PDE1C: variants seen among roughly 807,000 people sequenced by gnomAD.
PDE1C encodes phosphodiesterase 1C, also known as dual specificity calcium/calmodulin-dependent 3',5'-cyclic nucleotide phosphodiesterase 1C.
In PDE1C, 62 loss-of-function variants were observed where a neutral mutation model predicts 93.1. That is an observed-to-expected ratio of 0.67 (90% CI 0.54 to 0.82). The LOEUF (loss-of-function observed/expected upper bound fraction) is 0.82. PDE1C is among the 40% of genes least tolerant of loss of function. The pLI is 0.00. For missense variants in PDE1C, 742 were observed against 884.6 expected (o/e 0.84, Z 2.04); for synonymous variants, 325 against 310.1 (o/e 1.05, Z -0.50).
intron 2 of PDE1C, among the ~76,000 whole-genome samples, chr7:31,964,391 C>T (rs1392015631): frequency 6.6e-6 from 1 of 152,228 alleles, no homozygotes; most frequent in South Asian, 2.1e-4. Context: ...AACTGCAAGG[C>T]AGCAGTGAGG....
chr7:31,702,910 G>A, the PDE1C span, among the ~76,000 whole-genome samples: 1 of 152,156 alleles, frequency 6.6e-6, no homozygotes, highest in African/African-American at 2.4e-5. Flanking sequence ...AGAAGACTTG[G>A]TAGAAAAACA....
chr7:31,829,286 C>T (rs1583502022), intron 11 of PDE1C, among the ~76,000 whole-genome samples: 1 of 152,102 alleles, frequency 6.6e-6, no homozygotes, highest in East Asian at 1.9e-4. Context: ...ATAGTAATCT[C>T]TACCTCATAG....
At position 32,051,685 on chromosome 7, in the gene PDE1C, G is replaced by A. The variant is rs1793401640; in HGVS notation, c.102-105C>T. 3.1e-5 allele frequency: 27 copies of A among 876,846 alleles called. No individual in the cohort carries two copies. The Admixed American group carries it at 4.9e-4, about 16-fold the overall frequency. 54.3% of individuals were successfully genotyped at this position (876,846 alleles called of 1,614,324 possible). A position where few individuals can be genotyped will look rare whatever the true frequency, so the allele number is the denominator to read the frequency against. On this transcript the variant is annotated intron_variant, in intron 1 of 17. Transcript: ENST00000396191. ...TGGGCATGGGGGTCAACACTTCTTAGGGGGGTTTCTCTGTGAAGCTTATGG... is the reference window on the plus strand; with the variant it reads ...TGGGCATGGGGGTCAACACTTCTTAAGGGGGTTTCTCTGTGAAGCTTATGG...
chr7:31,943,578 C>G (rs1010519775), intron 2 of PDE1C, among the ~76,000 whole-genome samples: 9 of 152,172 alleles, frequency 5.9e-5, no homozygotes, highest in African/African-American at 1.9e-4. Flanking sequence ...AAGGTGGAAG[C>G]AAGTTCACCA....
intron 1 of PDE1C, among the ~76,000 whole-genome samples, chr7:32,420,767 G>T (rs1162060747): frequency 6.6e-6 from 1 of 152,012 alleles, no homozygotes; most frequent in African/African-American, 2.4e-5. Flanking sequence ...GTTTAAAGTG[G>T]AGGTGATATC....
chr7:32,419,951 A>T (rs888545846), intron 1 of PDE1C, among the ~76,000 whole-genome samples: 1 of 150,202 alleles, frequency 6.7e-6, no homozygotes, highest in East Asian at 2.0e-4. Flanking sequence ...TAGGCTGGGC[A>T]TGGTGGCTCA....
chr7:32,067,057 C>A (rs569969903), intron 1 of PDE1C, among the ~76,000 whole-genome samples: 1 of 152,206 alleles, frequency 6.6e-6, no homozygotes, highest in Non-Finnish European at 1.5e-5. Flanking sequence ...GTGTGCAGAA[C>A]CTCGCTCAAG....
chr7:31,976,401 G>A lies in PDE1C; in HGVS notation c.128+75153C>T, dbSNP rs185018136. Reference sequence around the variant, plus strand: ...GACTGTTATTGTGTTCTTAATTTCAGAAAGTTAACAAAAGACTCAGGGTCA... The same window carrying A: ...GACTGTTATTGTGTTCTTAATTTCAAAAAGTTAACAAAAGACTCAGGGTCA... On this transcript the variant is annotated intron_variant, in intron 2 of 17. Transcript: ENST00000396191. Among the ~76,000 whole-genome samples the A allele has an allele frequency of 3.3e-3, 505 of 152,302 alleles. 3 individuals are homozygous for A. The highest frequency in any genetic ancestry group is 0.011 in the African/African-American group (464 of 41,576).
chr7:32,381,975 ATT>A (rs1784544504), intron 1 of PDE1C, among the ~76,000 whole-genome samples: 1 of 152,202 alleles, frequency 6.6e-6, no homozygotes, highest in Admixed American at 6.5e-5. Flanking sequence ...TGATTCGAGC[ATT>A]TTTACATAAA....
intron 2 of PDE1C, among the ~76,000 whole-genome samples, chr7:31,947,603 C>T (rs1036558391): frequency 6.6e-6 from 1 of 152,128 alleles, no homozygotes; most frequent in African/African-American, 2.4e-5. Flanking sequence ...AGCAAAGAAC[C>T]CCAAGTATTA....
intron 2 of PDE1C, among the ~76,000 whole-genome samples, chr7:31,996,218 T>C (rs544447461): frequency 8.0e-4 from 122 of 152,206 alleles, no homozygotes; most frequent in African/African-American, 2.6e-3. Context: ...ACATCGTGAT[T>C]ACTCTATGGA....
Position 32,080,850 on chromosome 7 carries a change from T to TA in PDE1C, c.308+88934dup, listed in dbSNP as rs1796624258. 5.3e-5 allele frequency among the ~76,000 whole-genome samples: 8 copies of TA among 152,156 alleles called. No homozygotes were observed. The South Asian group carries it at 1.7e-3, about 32-fold the overall frequency. ...CATGCTTTTAACAGATTCTTGCTAA[T>TA]AAAAAAGACCCTGAAGGCACTGTGA... is the stretch of plus-strand genomic sequence containing the variant. On this transcript the variant is annotated intron_variant, in intron 3 of 18. Coordinates refer to the PDE1C transcript ENST00000396193.
At chr7:31,640,549 C>T in the PDE1C span, among the ~76,000 whole-genome samples, 72 of 152,302 alleles carry the variant, frequency 4.7e-4, no homozygotes, top group African/African-American at 1.0e-3. Flanking sequence ...TCTCTCAAAG[C>T]GCTAAGCTGG....
At chr7:31,801,901 T>A (rs1012799349) in intron 16 of PDE1C, among the ~76,000 whole-genome samples, 1 of 151,506 alleles carries the variant, frequency 6.6e-6, no homozygotes, top group East Asian at 1.9e-4. Context: ...TATTTGTATA[T>A]GTTTATGCGA....
At chr7:31,829,218 C>G (rs1583501798) in intron 11 of PDE1C, among the ~76,000 whole-genome samples, 1 of 152,002 alleles carries the variant, frequency 6.6e-6, no homozygotes, top group East Asian at 1.9e-4. Flanking sequence ...TGAGATAGAT[C>G]ACAGGTAAGT....
chr7:32,335,150 C>G (rs997588489), intron 1 of PDE1C, among the ~76,000 whole-genome samples: 1 of 152,118 alleles, frequency 6.6e-6, no homozygotes, highest in African/African-American at 2.4e-5. Flanking sequence ...AGGCCCTGAA[C>G]AGTATTTTCT....
intron 17 of PDE1C, among the ~76,000 whole-genome samples, chr7:31,764,061 A>C (rs551501261): frequency 1.3e-5 from 2 of 151,420 alleles, no homozygotes; most frequent in Non-Finnish European, 2.9e-5. Flanking sequence ...TGCTGAAACT[A>C]TGTGCCATTT....
At chr7:31,817,504 A>G (rs1366331821) in intron 14 of PDE1C, among the ~76,000 whole-genome samples, 1 of 152,144 alleles carries the variant, frequency 6.6e-6, no homozygotes, top group Non-Finnish European at 1.5e-5. Flanking sequence ...CCTACACAGA[A>G]GACACATAAC....
chr7:31,994,000 C>A (rs2128542149), intron 2 of PDE1C, among the ~76,000 whole-genome samples: 1 of 152,240 alleles, frequency 6.6e-6, no homozygotes, highest in East Asian at 1.9e-4. Flanking sequence ...CAATGAAGGG[C>A]AACTAGAAAG....
Sources: allele counts gnomAD v4.1 joint callset (sites outside exome capture counted in the v4.1 genomes callset), GRCh38; gene constraint gnomAD v4.1.1; transcripts MANE v1.5; gene names NCBI Gene and HGNC (gene_info 2026-07-23, HGNC 2026-07-21).